Variants in ANKS1B observed in about 807,000 individuals in gnomAD.
ANKS1B encodes ankyrin repeat and sterile alpha motif domain-containing protein 1B.
ANKS1B carries 36 observed loss-of-function variants against 148.3 expected under a neutral mutation model. The observed-to-expected ratio is 0.24, with a 90% confidence interval of 0.19 to 0.32. The LOEUF (loss-of-function observed/expected upper bound fraction) is 0.32. Ranked by LOEUF, ANKS1B falls within the 10% of genes least tolerant of loss-of-function variation. The pLI is 1.00. For missense variants in ANKS1B, 1,157 were observed against 1,542.6 expected, an observed-to-expected ratio of 0.75 and a Z score of 4.19; for synonymous variants, 542 against 560.8, an observed-to-expected ratio of 0.97 and a Z score of 0.47.
At chr12:99,837,795 A>C (rs1207878487) in intron 1 of ANKS1B, among the ~76,000 whole-genome samples, 1 of 152,144 alleles carries the variant, frequency 6.6e-6, no homozygotes, top group Non-Finnish European at 1.5e-5. Flanking sequence ...TTACTTGTAT[A>C]AATATAAGGG....
At chr12:99,521,819 T>C (rs1343631157) in intron 9 of ANKS1B, among the ~76,000 whole-genome samples, 1 of 152,184 alleles carries the variant, frequency 6.6e-6, no homozygotes, top group East Asian at 1.9e-4. Flanking sequence ...GAAACTGTGC[T>C]CTGTCAGACT....
Position 98,942,806 on chromosome 12 carries a change from G to A in ANKS1B, c.2778+110351C>T, listed in dbSNP as rs144509949. On this transcript the variant is annotated intron_variant, in intron 17 of 26. Coordinates refer to ENST00000683438, the MANE Select transcript of ANKS1B (RefSeq NM_001352186.2). Reference sequence around the variant, plus strand: ...GAATCGTCCTCTTTAAATATAAGTCGGTGTCAGAAACAACGCCAAACCTCA... The same window carrying A: ...GAATCGTCCTCTTTAAATATAAGTCAGTGTCAGAAACAACGCCAAACCTCA... Among the ~76,000 whole-genome samples, 596 of 152,186 alleles carry A rather than the reference G, an allele frequency of 3.9e-3. 3 individuals are homozygous for A. The highest frequency in any genetic ancestry group is 6.8e-3 in the African/African-American group (283 of 41,506).
chr12:98,793,545 C>T (rs766308023), intron 22 of ANKS1B, among the ~76,000 whole-genome samples: 2 of 152,178 alleles, frequency 1.3e-5, no homozygotes, highest in Non-Finnish European at 2.9e-5. Flanking sequence ...GCAAAGGAGA[C>T]ATCTTAGAGA....
At chr12:99,514,108 G>A (rs1313004744) in intron 9 of ANKS1B, among the ~76,000 whole-genome samples, 2 of 152,044 alleles carry the variant, frequency 1.3e-5, no homozygotes, top group South Asian at 4.1e-4. Flanking sequence ...TGAGTAATAA[G>A]TTTAAACGTA....
chr12:99,443,058 T>C (rs950216931), intron 11 of ANKS1B, among the ~76,000 whole-genome samples: 8 of 151,732 alleles, frequency 5.3e-5, no homozygotes, highest in Admixed American at 1.3e-4. Context: ...AAAGCTTGCC[T>C]GCAAACCGCC....
chr12:99,930,525 C>G (rs1337594012), intron 1 of ANKS1B, among the ~76,000 whole-genome samples: 1 of 152,124 alleles, frequency 6.6e-6, no homozygotes, highest in Admixed American at 6.5e-5. Context: ...GCCAGAACTT[C>G]CAACACTATG....
chr12:99,001,954 A>G (rs1215369487), intron 17 of ANKS1B, among the ~76,000 whole-genome samples: 1 of 152,204 alleles, frequency 6.6e-6, no homozygotes. Context: ...CTTCAGATTC[A>G]TCCATGTTGT....
chr12:99,277,297 C>G (rs2077797738), intron 12 of ANKS1B, among the ~76,000 whole-genome samples: 1 of 152,206 alleles, frequency 6.6e-6, no homozygotes, highest in South Asian at 2.1e-4. Flanking sequence ...GGAAGATCAC[C>G]CCTATTTACC....
At chr12:99,218,715 T>C (rs1179287730) in intron 14 of ANKS1B, among the ~76,000 whole-genome samples, 3 of 152,224 alleles carry the variant, frequency 2.0e-5, no homozygotes, top group African/African-American at 4.8e-5. Context: ...TTTCCCTCCA[T>C]TTCATGGTCT....
At position 99,556,892 on chromosome 12, in the gene ANKS1B, T is replaced by C. The variant is rs117445222; in HGVS notation, c.1273-52251A>G. Among the ~76,000 whole-genome samples the C allele has an allele frequency of 3.3e-5, 5 of 152,326 alleles. No homozygotes were observed. In the South Asian group the frequency reaches 6.2e-4, roughly 19 times the overall value. On this transcript the variant is annotated intron_variant, in intron 9 of 26. Coordinates refer to ENST00000683438, the MANE Select transcript of ANKS1B (RefSeq NM_001352186.2). Reference sequence around the variant, plus strand: ...GTGGTTGCTTTTAGAATATGCGCCATGTGCAGATCAGAAGAATGTATATTA... The same window carrying C: ...GTGGTTGCTTTTAGAATATGCGCCACGTGCAGATCAGAAGAATGTATATTA...
intron 12 of ANKS1B, among the ~76,000 whole-genome samples, chr12:99,261,427 C>T (rs2075912935): frequency 6.6e-6 from 1 of 152,140 alleles, no homozygotes. Context: ...CATACTGGGA[C>T]CTCTTTCCTG....
At chr12:99,766,046 T>G (rs899696144) in intron 8 of ANKS1B, among the ~76,000 whole-genome samples, 1 of 152,166 alleles carries the variant, frequency 6.6e-6, no homozygotes, top group African/African-American at 2.4e-5. Context: ...TCATGATTGC[T>G]GGGAAAAACC....
chr12:99,453,935 A>T (rs1391155627), intron 10 of ANKS1B, among the ~76,000 whole-genome samples: 2 of 152,216 alleles, frequency 1.3e-5, no homozygotes, highest in African/African-American at 4.8e-5. Flanking sequence ...CAGAGCAGAA[A>T]GTTAGGTTAT....
intron 14 of ANKS1B, among the ~76,000 whole-genome samples, chr12:99,233,132 T>C (rs1224952380): frequency 6.6e-6 from 1 of 152,088 alleles, no homozygotes; most frequent in Admixed American, 6.6e-5. Flanking sequence ...AACAAATGAA[T>C]TTCATGTTTA....
At chr12:99,948,328 A>C (rs2153820936) in intron 1 of ANKS1B, among the ~76,000 whole-genome samples, 2 of 152,178 alleles carry the variant, frequency 1.3e-5, no homozygotes, top group Admixed American at 1.3e-4. Context: ...CATCCTGGCC[A>C]TAGCAAAAAA....
chr12:99,816,537 AAAATT>A (rs1191198319), intron 2 of ANKS1B, among the ~76,000 whole-genome samples: 1 of 151,626 alleles, frequency 6.6e-6, no homozygotes, highest in African/African-American at 2.4e-5. Flanking sequence ...TTTTAAAATT[AAAATT>A]AAAATTAAAA....
chr12:99,298,480 G>A (rs2081195894), intron 12 of ANKS1B, among the ~76,000 whole-genome samples: 1 of 152,140 alleles, frequency 6.6e-6, no homozygotes, highest in Non-Finnish European at 1.5e-5. Flanking sequence ...GGCCTCCCTA[G>A]CCATTTGGAA....
intron 17 of ANKS1B, among the ~76,000 whole-genome samples, chr12:98,837,165 A>G (rs977073053): frequency 1.4e-4 from 15 of 103,916 alleles, no homozygotes; most frequent in Non-Finnish European, 2.6e-4. Context: ...CCCCGTCTCT[A>G]TTAAAAATAC....
At chr12:99,955,604 A>ATCTCCAG (rs2095310732) in intron 1 of ANKS1B, among the ~76,000 whole-genome samples, 1 of 148,554 alleles carries the variant, frequency 6.7e-6, no homozygotes. Context: ...GCTGTTACCT[A>ATCTCCAG]TCTCCAGAAC....
Sources: gnomAD v4.1 joint callset for allele counts (sites outside exome capture counted in the v4.1 genomes callset) on GRCh38, gnomAD v4.1.1 for gene constraint, MANE v1.5 for transcripts, NCBI Gene and HGNC (gene_info 2026-07-23, HGNC 2026-07-21) for gene names.